The following IGF2 variants were observed in gnomAD, a reference collection of about 807,000 sequenced individuals.
IGF2 encodes insulin like growth factor 2.
A neutral mutation model predicts 12.0 loss-of-function variants in IGF2; 2 were observed. That is an observed-to-expected ratio of 0.17 (90% CI 0.07 to 0.52). The LOEUF is 0.52. Among genes scored for constraint, IGF2 ranks in the 20% least tolerant of loss-of-function variants. IGF2 has a pLI of 0.95. For synonymous variants in IGF2, 105 were observed against 110.1 expected (o/e 0.95, Z 0.29); for missense variants, 211 against 268.0 (o/e 0.79, Z 1.48).
In IGF2 at chr11:2,133,317, A is replaced by AT. The variant is rs1433505129; in HGVS notation, c.307-95dup. The stretch of plus-strand genomic sequence containing the variant: ...ACCTGACAGGCCACCCCTGTGACTG[A>AT]TCAGTGACTTGAGCTAATGTCCACG... On this transcript the variant is annotated intron_variant, in intron 3 of 3. Coordinates refer to ENST00000416167, the MANE Select transcript of IGF2 (RefSeq NM_000612.6). This position sits in a 1 kb window ranked among gnomAD's most constrained non-coding sequence, Gnocchi z 8.9. 7 of 1,053,742 alleles carry AT rather than the reference A, an allele frequency of 6.6e-6. No homozygotes were observed. The highest frequency in any genetic ancestry group is 2.7e-6 in the Non-Finnish European group (2 of 734,696). 65.3% of individuals were successfully genotyped at this position (1,053,742 alleles called of 1,614,324 possible).
chr11:2,138,367 A>T lies in IGF2; in HGVS notation c.-145T>A. The T allele has an allele frequency of 1.4e-6, 1 of 704,496 alleles. No individual in the cohort carries two copies. The highest frequency in any genetic ancestry group is 1.6e-6 in the Non-Finnish European group (1 of 626,640). 43.6% of individuals were successfully genotyped at this position (704,496 alleles called of 1,614,324 possible). ...GGGGGCCGAATGTGCGACGGGGCAGAGCGGGGGGATGGCTTTTTTTTGGGG... is the reference window on the plus strand; with the variant it reads ...GGGGGCCGAATGTGCGACGGGGCAGTGCGGGGGGATGGCTTTTTTTTGGGG... On this transcript the variant is annotated 5_prime_UTR_variant, in exon 1 of 4. Transcript: ENST00000416167.
At chr11:2,138,183 C>T (rs1859227639) in intron 1 of IGF2, 46 bp downstream of exon 1, 1 of 979,388 alleles carries the variant, frequency 1.0e-6, no homozygotes, top group Non-Finnish European at 1.2e-6. Context: ...CGCAAGCCCG[C>T]GCCGCCCCAG....
intron 1 of IGF2, 22 bp from the exon 2 acceptor site, chr11:2,135,551 C>T (rs377658583): frequency 1.8e-5 from 29 of 1,604,824 alleles, no homozygotes; most frequent in African/African-American, 5.3e-5. Flanking sequence ...AGAGAAGTGG[C>T]GTGAGCGGGG....
At position 2,130,533 on chromosome 11, in the gene IGF2, G is replaced by C. The variant is rs573936129; in HGVS notation, c.*2454C>G. On this transcript the variant is annotated 3_prime_UTR_variant, in exon 4 of 4. Coordinates refer to ENST00000416167, the MANE Select transcript of IGF2 (RefSeq NM_000612.6). ...GTCACTGCCCCCCTGTTACATGGGG[G>C]GGGGGTTTAATTTGGTTTCTGAGCG... 5 of 220,158 alleles carry C rather than the reference G, an allele frequency of 2.3e-5. No individual in the cohort carries two copies. Among genetic ancestry groups the C allele is most frequent in the Non-Finnish European group, 3.6e-5 (4 of 110,876 alleles). 13.6% of individuals were successfully genotyped at this position (220,158 alleles called of 1,614,324 possible). A position where few individuals can be genotyped will look rare whatever the true frequency, so the allele number is the denominator to read the frequency against.
chr11:2,145,877 A>G (rs1191114097), upstream of IGF2, among the ~76,000 whole-genome samples: 4 of 152,098 alleles, frequency 2.6e-5, no homozygotes, highest in Non-Finnish European at 4.4e-5. Flanking sequence ...CAAGACCAGC[A>G]TCGGGGTTCT....
At position 2,133,051 on chromosome 11, in the gene IGF2, GC is replaced by G. The variant is rs1271036211; in HGVS notation, c.478del (p.Ala160LeufsTer40). 1 of 1,601,016 alleles carries G rather than the reference GC, an allele frequency of 6.2e-7. No individual in the cohort carries two copies. The highest frequency in any genetic ancestry group is 1.3e-5 in the African/African-American group (1 of 74,568). ...GTGGGCGGGGTCTTGGGTGGGTAGA[GC>G]AATCAGGGGACGGTGACGTTTGGCC... ...REAKRHRPLI[A>X]LPTQDPAHGG... On this transcript the variant is annotated frameshift_variant, in exon 4 of 4. Coordinates refer to ENST00000416167, the MANE Select transcript of IGF2 (RefSeq NM_000612.6). LOFTEE classifies it high-confidence loss of function. This position sits in a 1 kb window ranked among gnomAD's most constrained non-coding sequence, Gnocchi z 8.9.
Position 2,133,908 on chromosome 11 carries a change from A to G in IGF2, c.158-243T>C, listed in dbSNP as rs974212592. ...TGGCCTCTGCTGCCTCCTTCCTCAGATGAAAAATGGGCACAAGCTCTTGGT... is the reference window on the plus strand; with the variant it reads ...TGGCCTCTGCTGCCTCCTTCCTCAGGTGAAAAATGGGCACAAGCTCTTGGT... On this transcript the variant is annotated intron_variant, in intron 2 of 3. Transcript: ENST00000416167. The surrounding 1 kb of genome is among the most constrained non-coding windows in gnomAD (Gnocchi z 8.9). Among the ~76,000 whole-genome samples, 5 of 152,230 alleles carry G rather than the reference A, an allele frequency of 3.3e-5. No individual in the cohort carries two copies. Among genetic ancestry groups the G allele is most frequent in the African/African-American group, 1.2e-4 (5 of 41,464 alleles).
At chr11:2,147,881 G>C in the IGF2 span, 24 of 1,091,036 alleles carry the variant, frequency 2.2e-5, no homozygotes, top group Non-Finnish European at 2.7e-5. This position sits in a 1 kb window ranked among gnomAD's most constrained non-coding sequence, Gnocchi z 7.2. Context: ...TACACCCCAA[G>C]CCTGAGCCCT....
Position 2,133,235 on chromosome 11 carries a change from A to G in IGF2, c.307-12T>C, listed in dbSNP as rs1858742580. On this transcript the variant is annotated splice_polypyrimidine_tract_variant and intron_variant, in intron 3 of 3. Transcript: ENST00000416167. The surrounding 1 kb of genome is among the most constrained non-coding windows in gnomAD (Gnocchi z 8.9). Reference sequence around the variant, plus strand: ...CTGGGGAAGTTGTCCTGGGAGGGGAAGGGGCTGGTCAGCAGGTGCCTGCTC... The same window carrying G: ...CTGGGGAAGTTGTCCTGGGAGGGGAGGGGGCTGGTCAGCAGGTGCCTGCTC... 1 of 1,513,472 alleles carries G rather than the reference A, an allele frequency of 6.6e-7. No individual in the cohort carries two copies. The highest frequency in any genetic ancestry group is 2.0e-5 in the Admixed American group (1 of 49,408). 93.8% of individuals were successfully genotyped at this position (1,513,472 alleles called of 1,614,324 possible).
At position 2,131,861 on chromosome 11, in the gene IGF2, CTGTGTGTGCGTGTGT is replaced by C. The variant is rs1858608438; in HGVS notation, c.*1111_*1125del. The C allele has an allele frequency of 7.9e-6, 1 of 126,714 alleles. No homozygotes were observed. The allele number at this position is 126,714 out of a possible 1,614,324, so 7.8% of individuals were successfully genotyped here. On this transcript the variant is annotated 3_prime_UTR_variant, in exon 4 of 4. Coordinates refer to ENST00000416167, the MANE Select transcript of IGF2 (RefSeq NM_000612.6). ...TGTGTGCTGTGTGCTCGTGTGTGTGCTGTGTGTGCGTGTGTGCTGTGCGTTTGTGTGTGCTGTGCG... is the reference window on the plus strand; with the variant it reads ...TGTGTGCTGTGTGCTCGTGTGTGTGCGCTGTGCGTTTGTGTGTGCTGTGCG...
the IGF2 span, chr11:2,148,871 T>C: frequency 1.8e-6 from 1 of 544,254 alleles, no homozygotes. The surrounding 1 kb of genome is among the most constrained non-coding windows in gnomAD (Gnocchi z 4.3). Context: ...GGAAAACCTA[T>C]TTTCCTTGCA....
At chr11:2,134,810 C>A (rs143554821) in intron 2 of IGF2, among the ~76,000 whole-genome samples, 1 of 152,296 alleles carries the variant, frequency 6.6e-6, no homozygotes, top group South Asian at 2.1e-4. Context: ...AAGGCTGAAG[C>A]GTCCTTGAGG....
chr11:2,135,268 C>A, intron 2 of IGF2, 99 bp downstream of exon 2: 1 of 1,122,626 alleles, frequency 8.9e-7, no homozygotes. Flanking sequence ...GGCTGGGCTG[C>A]TGACCTAGGA....
chr11:2,130,925 C>T lies in IGF2; in HGVS notation c.*2062G>A, dbSNP rs1858502535. The T allele has an allele frequency of 4.6e-6, 1 of 216,934 alleles. No homozygotes were observed. 13.4% of individuals were successfully genotyped at this position (216,934 alleles called of 1,614,324 possible). A position where few individuals can be genotyped will look rare whatever the true frequency, so the allele number is the denominator to read the frequency against. On this transcript the variant is annotated 3_prime_UTR_variant, in exon 4 of 4. Transcript: ENST00000416167. ...GCTCCGGTGGGGGGGTCCCCAAGAT[C>T]TTCCTTCCAGGAGCACACCAGGGAG...
chr11:2,148,430 C>T, the IGF2 span: 4,108 of 152,666 alleles, frequency 0.027, 82 homozygotes, highest in Middle Eastern at 0.068. This position sits in a 1 kb window ranked among gnomAD's most constrained non-coding sequence, Gnocchi z 4.3. Context: ...GGCCCCAGGG[C>T]GCCTCTCTGT....
rs1488019879 is a variant in IGF2 at position 2,131,044 on chromosome 11, G to A, written c.*1943C>T. ...CTCTGGCTGGGCCAACACACAGTAA[G>A]TAAGGTGTATCGGGAATGGGTGGGG... On this transcript the variant is annotated 3_prime_UTR_variant, in exon 4 of 4. Coordinates refer to ENST00000416167, the MANE Select transcript of IGF2 (RefSeq NM_000612.6). 1.7e-5 allele frequency: 4 copies of A among 231,474 alleles called. No homozygotes were observed. Among genetic ancestry groups the A allele is most frequent in the Non-Finnish European group, 3.4e-5 (4 of 117,038 alleles). The allele number at this position is 231,474 out of a possible 1,614,324, so 14.3% of individuals were successfully genotyped here. A position where few individuals can be genotyped will look rare whatever the true frequency, so the allele number is the denominator to read the frequency against.
In IGF2 at chr11:2,131,360, T is replaced by G. The variant is rs925275681; in HGVS notation, c.*1627A>C. On this transcript the variant is annotated 3_prime_UTR_variant, in exon 4 of 4. Coordinates refer to ENST00000416167, the MANE Select transcript of IGF2 (RefSeq NM_000612.6). ...GGAGAATCTTAGCGGGACTTTGGCC[T>G]GATCCATACAGATATCGTAGTTGCT... 26 of 233,260 alleles carry G rather than the reference T, an allele frequency of 1.1e-4. No individual in the cohort carries two copies. The Admixed American group carries it at 1.2e-3, about 11-fold the overall frequency. 14.4% of individuals were successfully genotyped at this position (233,260 alleles called of 1,614,324 possible). A position where few individuals can be genotyped will look rare whatever the true frequency, so the allele number is the denominator to read the frequency against.
At chr11:2,146,442 AAGT>A in the IGF2 span, 2 of 531,012 alleles carry the variant, frequency 3.8e-6, no homozygotes, top group Non-Finnish European at 3.9e-6. Context: ...CCGGCCTGGG[AAGT>A]AGGACTAAGG....
the IGF2 span, chr11:2,148,870 A>G: frequency 1.1e-5 from 6 of 537,580 alleles, no homozygotes; most frequent in Middle Eastern, 4.8e-4. This position sits in a 1 kb window ranked among gnomAD's most constrained non-coding sequence, Gnocchi z 4.3. Flanking sequence ...AGGAAAACCT[A>G]TTTTCCTTGC....
Sources: gnomAD v4.1 joint callset for allele counts (sites outside exome capture counted in the v4.1 genomes callset) on GRCh38, gnomAD v4.1.1 for gene constraint, Gnocchi (gnomAD v3.1) non-coding constraint, MANE v1.5 for transcripts, NCBI Gene and HGNC (gene_info 2026-07-23, HGNC 2026-07-21) for gene names.